LRBA: variants seen among roughly 807,000 people sequenced by gnomAD.
LRBA encodes the protein lipopolysaccharide-responsive and beige-like anchor protein.
LRBA carries 176 observed loss-of-function variants against 330.0 expected under a neutral mutation model. The ratio of observed to expected loss-of-function variants is 0.53; its 90% CI spans 0.47 to 0.60. The LOEUF is 0.60. Among genes scored for constraint, LRBA ranks in the 20% least tolerant of loss-of-function variants. The pLI, the probability that LRBA is intolerant of heterozygous loss-of-function variation, is 0.00. For missense variants in LRBA, 3,259 were observed against 3,444.8 expected (o/e 0.95, Z 1.35); for synonymous variants, 1,230 against 1,193.0 (o/e 1.03, Z -0.64).
intron 42 of LRBA, among the ~76,000 whole-genome samples, chr4:150,487,304 C>T (rs924810328): frequency 1.3e-5 from 2 of 150,054 alleles, no homozygotes; most frequent in East Asian, 1.9e-4. Context: ...GTAATTATAT[C>T]GATATATATA....
chr4:151,009,839 G>A (rs1744600321), intron 2 of LRBA, among the ~76,000 whole-genome samples: 1 of 151,878 alleles, frequency 6.6e-6, no homozygotes, highest in Non-Finnish European at 1.5e-5. Flanking sequence ...AATTAGCTGG[G>A]CGTGGTGGCA....
rs1038266702 is a variant in LRBA, at chr4:150,952,611, G to A, written c.217-23546C>T. Among the ~76,000 whole-genome samples the A allele has an allele frequency of 1.2e-4, 18 of 152,190 alleles. No homozygotes were observed. In the East Asian group the frequency reaches 2.9e-3, roughly 24 times the overall value. On this transcript the variant is annotated intron_variant, in intron 2 of 56. Coordinates refer to ENST00000651943, the MANE Select transcript of LRBA (RefSeq NM_001364905.1). Reference sequence around the variant, plus strand: ...TGTCTGCCTGAGCCTCATCCTGACCGTCTATAAGGCCGTCTGTTTCTCTCT... The same window carrying A: ...TGTCTGCCTGAGCCTCATCCTGACCATCTATAAGGCCGTCTGTTTCTCTCT...
intron 22 of LRBA, among the ~76,000 whole-genome samples, chr4:150,861,629 A>G (rs1304169478): frequency 2.0e-5 from 3 of 152,346 alleles, no homozygotes; most frequent in East Asian, 1.9e-4. Context: ...AGTACACTAC[A>G]GAAGACTTTA....
chr4:150,942,202 C>T (rs1174755487), intron 2 of LRBA, among the ~76,000 whole-genome samples: 1 of 152,168 alleles, frequency 6.6e-6, no homozygotes, highest in Non-Finnish European at 1.5e-5. Context: ...TCACCGAATA[C>T]AACAATATGG....
chr4:150,420,127 C>G (rs1748430965), intron 46 of LRBA, among the ~76,000 whole-genome samples: 1 of 150,192 alleles, frequency 6.7e-6, no homozygotes, highest in African/African-American at 2.4e-5. Flanking sequence ...GCCTGTAGTC[C>G]CAGCTATTCG....
chr4:150,984,434 G>A (rs147000671), intron 2 of LRBA, among the ~76,000 whole-genome samples: 170 of 152,214 alleles, frequency 1.1e-3, no homozygotes, highest in Non-Finnish European at 2.0e-3. Context: ...GCTTGAACCC[G>A]GAAGGCGGAG....
chr4:151,014,619 G>A lies in LRBA; in HGVS notation c.24C>T (p.Val8=). MASEDNR[V]PSPPPTGDDG... ...CATCACCTGTTGGTGGCGGGGAAGG[G>A]ACACGATTGTCTTCGCTAGCCATTG... The change falls in exon 2 of 57, where the codon GTC becomes GTT. Residue 8 remains valine, a synonymous_variant. Transcript: ENST00000651943. 1 of 1,605,612 alleles carries A rather than the reference G, an allele frequency of 6.2e-7. No individual in the cohort carries two copies. The highest frequency in any genetic ancestry group is 1.7e-5 in the Admixed American group (1 of 59,076).
At chr4:150,424,680 G>A (rs1440059040) in intron 46 of LRBA, among the ~76,000 whole-genome samples, 1 of 152,176 alleles carries the variant, frequency 6.6e-6, no homozygotes, top group Non-Finnish European at 1.5e-5. Context: ...AGACACACCA[G>A]TTCACCTTAT....
intron 47 of LRBA, among the ~76,000 whole-genome samples, chr4:150,409,312 C>T (rs922638882): frequency 6.6e-6 from 1 of 152,004 alleles, no homozygotes. Context: ...ACCTGTGAGA[C>T]AATAAATTTC....
At chr4:150,493,746 G>A (rs1181952833) in intron 40 of LRBA, among the ~76,000 whole-genome samples, 1 of 151,924 alleles carries the variant, frequency 6.6e-6, no homozygotes, top group Non-Finnish European at 1.5e-5. Context: ...TGCTACCCTG[G>A]ATTTACCAAA....
At chr4:150,916,103 A>T (rs1406037665) in intron 7 of LRBA, among the ~76,000 whole-genome samples, 1 of 152,182 alleles carries the variant, frequency 6.6e-6, no homozygotes, top group Non-Finnish European at 1.5e-5. Context: ...TGAACCATTT[A>T]TTAACCTCTA....
At chr4:150,606,265 G>T (rs1257147680) in intron 37 of LRBA, among the ~76,000 whole-genome samples, 2 of 151,998 alleles carry the variant, frequency 1.3e-5, no homozygotes, top group Non-Finnish European at 2.9e-5. Flanking sequence ...AAAATCTGGT[G>T]TTATACTACC....
In LRBA at chr4:150,953,195, G is replaced by T. The variant is rs959309809; in HGVS notation, c.217-24130C>A. Among the ~76,000 whole-genome samples the T allele has an allele frequency of 3.3e-5, 5 of 152,130 alleles. 1 individual carries two copies. The East Asian group carries it at 9.7e-4, about 29-fold the overall frequency. On this transcript the variant is annotated intron_variant, in intron 2 of 56. Coordinates refer to ENST00000651943, the MANE Select transcript of LRBA (RefSeq NM_001364905.1). ...GTAACTAATCCTTATTTTAATAATA[G>T]AACAACTCAGCAGAAGATCAACATG... is the stretch of plus-strand genomic sequence containing the variant.
Position 150,809,912 on chromosome 4 carries a change from TACGATACGATAC to T in LRBA, c.5306-1526_5306-1515del, listed in dbSNP as rs1560850313. On this transcript the variant is annotated intron_variant, in intron 31 of 56. Transcript: ENST00000651943. The stretch of plus-strand genomic sequence containing the variant: ...TACGATACGATACGATACGATACGA[TACGATACGATAC>T]GATACGATACTTCCCTCTGCTTCAC... 7.9e-4 allele frequency among the ~76,000 whole-genome samples: 113 copies of T among 143,924 alleles called. 1 individual carries two copies. The highest frequency in any genetic ancestry group is 3.6e-3 in the Middle Eastern group (1 of 276). 94.4% of individuals were successfully genotyped at this position (143,924 alleles called of 152,430 possible). A position where few individuals can be genotyped will look rare whatever the true frequency, so the allele number is the denominator to read the frequency against.
At chr4:150,936,190 G>A (rs1735067903) in intron 2 of LRBA, among the ~76,000 whole-genome samples, 9 of 151,942 alleles carry the variant, frequency 5.9e-5, no homozygotes, top group Admixed American at 5.2e-4. Context: ...TTTCCAGAAA[G>A]CAATATGGTA....
intron 48 of LRBA, among the ~76,000 whole-genome samples, chr4:150,329,777 G>A (rs11099760): frequency 6.6e-6 from 1 of 152,212 alleles, no homozygotes; most frequent in Non-Finnish European, 1.5e-5. Context: ...GCATTTCTCA[G>A]TCAAGAATTA....
rs189653567 is a variant in LRBA, at chr4:150,652,834, T to C, written c.5921+30717A>G. ...TAATCGAGACTTGATCAAATTGAGG[T>C]TAGACACCTAACGCCTGCTTGTTTC... On this transcript the variant is annotated intron_variant, in intron 37 of 56. Coordinates refer to ENST00000651943, the MANE Select transcript of LRBA (RefSeq NM_001364905.1). Among the ~76,000 whole-genome samples, 263 of 152,234 alleles carry C rather than the reference T, an allele frequency of 1.7e-3. 5 individuals carry two copies. The highest frequency in any genetic ancestry group is 4.8e-3 in the Admixed American group (74 of 15,290).
chr4:150,509,910 G>T (rs1267814788), intron 40 of LRBA, among the ~76,000 whole-genome samples: 1 of 152,228 alleles, frequency 6.6e-6, no homozygotes. Flanking sequence ...ACAGAAGCAG[G>T]CAGATTACTT....
chr4:150,698,004 G>T (rs1246021859), intron 36 of LRBA, among the ~76,000 whole-genome samples: 2 of 151,912 alleles, frequency 1.3e-5, no homozygotes, highest in Admixed American at 6.6e-5. Context: ...GTAAGTAGAA[G>T]GAAACTATTT....
Sources: allele counts gnomAD v4.1 joint callset (sites outside exome capture counted in the v4.1 genomes callset), GRCh38; gene constraint gnomAD v4.1.1; transcripts MANE v1.5; gene names NCBI Gene and HGNC (gene_info 2026-07-23, HGNC 2026-07-21).